Variants in AGBL4 observed in about 807,000 individuals in gnomAD.
The protein encoded by AGBL4 is AGBL carboxypeptidase 4, also known as cytosolic carboxypeptidase 6.
Under a neutral mutation model 66.4 loss-of-function variants are expected in AGBL4, and 58 were observed. The observed-to-expected ratio is 0.87, with a 90% confidence interval of 0.71 to 1.09. AGBL4 has a LOEUF of 1.09. AGBL4 is among the 50% of genes least tolerant of loss of function. The pLI is 0.00. For missense variants in AGBL4, 579 were observed against 631.0 expected (o/e 0.92, Z 0.88); for synonymous variants, 234 against 222.9 (o/e 1.05, Z -0.44).
At chr1:49,225,639 C>T (rs765261320) in intron 4 of AGBL4, among the ~76,000 whole-genome samples, 5 of 152,156 alleles carry the variant, frequency 3.3e-5, no homozygotes, top group Non-Finnish European at 5.9e-5. Context: ...TACATTGGCA[C>T]GGCTCACAGA....
At chr1:49,657,120 A>C (rs1371418763) in intron 3 of AGBL4, among the ~76,000 whole-genome samples, 2 of 152,168 alleles carry the variant, frequency 1.3e-5, no homozygotes, top group African/African-American at 2.4e-5. Context: ...ATCGTCTCAG[A>C]CCAAAATCTC....
intron 3 of AGBL4, among the ~76,000 whole-genome samples, chr1:49,360,448 T>A (rs1307510780): frequency 1.3e-5 from 2 of 152,226 alleles, no homozygotes; most frequent in Non-Finnish European, 2.9e-5. Flanking sequence ...ATAGTCATTA[T>A]AATTTTTAGT....
intron 4 of AGBL4, among the ~76,000 whole-genome samples, chr1:49,217,879 G>C (rs1039761972): frequency 7.9e-5 from 12 of 152,112 alleles, no homozygotes; most frequent in Non-Finnish European, 5.9e-5. Context: ...AGTGTGGGAA[G>C]AGATCTTAAA....
intron 2 of AGBL4, among the ~76,000 whole-genome samples, chr1:49,775,913 T>C (rs527892805): frequency 2.1e-4 from 32 of 152,206 alleles, no homozygotes; most frequent in African/African-American, 7.7e-4. Context: ...TGGGTTCAAA[T>C]CACAATTCTG....
intron 3 of AGBL4, among the ~76,000 whole-genome samples, chr1:49,248,110 G>A (rs985266408): frequency 2.2e-4 from 34 of 152,114 alleles, no homozygotes; most frequent in Non-Finnish European, 2.9e-5. Context: ...AGCAGACAGC[G>A]CAGGAAACCC....
At chr1:48,779,497 C>T (rs1206271847) in intron 6 of AGBL4, among the ~76,000 whole-genome samples, 1 of 152,174 alleles carries the variant, frequency 6.6e-6, no homozygotes, top group East Asian at 1.9e-4. Flanking sequence ...CTTTCTACTA[C>T]AATATTTTGT....
intron 4 of AGBL4, among the ~76,000 whole-genome samples, chr1:49,123,299 T>C (rs1012188634): frequency 5.3e-5 from 8 of 152,244 alleles, no homozygotes; most frequent in East Asian, 1.9e-4. Flanking sequence ...AAAAGGGTTA[T>C]ACAGACCACA....
chr1:48,716,386 AATG>A (rs138628388), intron 6 of AGBL4, among the ~76,000 whole-genome samples: 4,510 of 152,190 alleles, frequency 0.03, 203 homozygotes, highest in African/African-American at 0.1. Flanking sequence ...TCATAATGGG[AATG>A]ATGACAACTA....
intron 3 of AGBL4, among the ~76,000 whole-genome samples, chr1:49,674,664 T>G (rs1646546244): frequency 6.6e-6 from 1 of 151,456 alleles, no homozygotes; most frequent in South Asian, 2.1e-4. Context: ...AAAAATCTAT[T>G]ACCTGGTAAC....
intron 9 of AGBL4, among the ~76,000 whole-genome samples, chr1:48,596,728 A>G (rs2148356748): frequency 6.6e-6 from 1 of 152,234 alleles, no homozygotes; most frequent in South Asian, 2.1e-4. Context: ...TATAGGTGTA[A>G]GTCACTGTGC....
At position 48,883,873 on chromosome 1, in the gene AGBL4, C is replaced by T. The variant is rs527553279; in HGVS notation, c.595-16643G>A. ...TGCTGGGTATTCCAGTCCAGCATTCCTTGGATGACTGCTGGAATAAACAAT... is the reference window on the plus strand; with the variant it reads ...TGCTGGGTATTCCAGTCCAGCATTCTTTGGATGACTGCTGGAATAAACAAT... On this transcript the variant is annotated intron_variant, in intron 5 of 13. Transcript: ENST00000371839. 3.9e-5 allele frequency among the ~76,000 whole-genome samples: 6 copies of T among 152,190 alleles called. No individual in the cohort carries two copies. The South Asian group carries it at 1.0e-3, about 26-fold the overall frequency.
At chr1:48,890,163 C>T (rs1032489853) in intron 5 of AGBL4, among the ~76,000 whole-genome samples, 2 of 152,102 alleles carry the variant, frequency 1.3e-5, no homozygotes, top group African/African-American at 4.8e-5. Flanking sequence ...GTGCCTTGGC[C>T]TCCTTTCACC....
At chr1:48,567,615 A>G (rs1167400978) in intron 11 of AGBL4, among the ~76,000 whole-genome samples, 1 of 152,200 alleles carries the variant, frequency 6.6e-6, no homozygotes, top group African/African-American at 2.4e-5. Flanking sequence ...ATCCTCAGAC[A>G]GTATATTACG....
intron 8 of AGBL4, among the ~76,000 whole-genome samples, chr1:48,647,070 A>C (rs1337464319): frequency 1.3e-5 from 2 of 152,196 alleles, no homozygotes; most frequent in African/African-American, 4.8e-5. Flanking sequence ...AACAAACCTT[A>C]GTTATACTGG....
chr1:49,377,185 T>C (rs986196676), intron 3 of AGBL4, among the ~76,000 whole-genome samples: 19 of 152,012 alleles, frequency 1.2e-4, no homozygotes, highest in Non-Finnish European at 2.4e-4. Flanking sequence ...TTGAAGGAGA[T>C]GGGGGCTAAA....
At chr1:48,671,914 A>G (rs563177970) in intron 6 of AGBL4, among the ~76,000 whole-genome samples, 22 of 152,304 alleles carry the variant, frequency 1.4e-4, no homozygotes, top group African/African-American at 5.3e-4. Context: ...CTGCTTTTTG[A>G]ATCCACCACT....
intron 5 of AGBL4, among the ~76,000 whole-genome samples, chr1:48,999,846 A>T (rs532414083): frequency 3.1e-4 from 47 of 152,088 alleles, no homozygotes; most frequent in Non-Finnish European, 5.7e-4. Flanking sequence ...CTTAGACCCC[A>T]TTATCTAGAC....
chr1:49,803,041 AATATATG>A (rs1359952384), intron 2 of AGBL4, among the ~76,000 whole-genome samples: 1 of 151,188 alleles, frequency 6.6e-6, no homozygotes, highest in African/African-American at 2.4e-5. Context: ...TATGAAGTTA[AATATATG>A]ATATATAAGT....
At chr1:49,513,486 A>G (rs780747082) in intron 3 of AGBL4, among the ~76,000 whole-genome samples, 2 of 151,924 alleles carry the variant, frequency 1.3e-5, no homozygotes, top group African/African-American at 2.4e-5. Context: ...CTCAGTGTTT[A>G]GCTCTAATTT....
Sources: allele counts gnomAD v4.1 joint callset (sites outside exome capture counted in the v4.1 genomes callset), GRCh38; gene constraint gnomAD v4.1.1; transcripts MANE v1.5; gene names NCBI Gene and HGNC (gene_info 2026-07-23, HGNC 2026-07-21).